Variants in TTC7A observed in about 807,000 individuals in gnomAD.
The protein encoded by TTC7A is tetratricopeptide repeat protein 7A.
Under a neutral mutation model 103.7 loss-of-function variants are expected in TTC7A, and 110 were observed. The observed-to-expected ratio is 1.06, with a 90% CI of 0.91 to 1.24. The LOEUF (loss-of-function observed/expected upper bound fraction) is 1.24, where lower values mean the gene tolerates loss of function less well. TTC7A is among the 50% of genes most tolerant of loss of function. TTC7A has a pLI of 0.00. For synonymous variants in TTC7A, 521 were observed against 467.9 expected (o/e 1.11, Z -1.47); for missense variants, 1,340 against 1,116.3 (o/e 1.20, Z -2.86).
chr2:47,047,233 AC>A, intron 16 of TTC7A: 1 of 1,360,878 alleles, frequency 7.3e-7, no homozygotes, highest in South Asian at 1.3e-5. Context: ...GCCTCAGGGG[AC>A]CCCAGTCTGG....
At chr2:47,017,005 C>G (rs1480314155) in intron 11 of TTC7A, among the ~76,000 whole-genome samples, 2 of 151,908 alleles carry the variant, frequency 1.3e-5, no homozygotes, top group East Asian at 1.9e-4. Context: ...TCGAGACCAG[C>G]CTGGCTAACA....
chr2:46,964,606 G>A (rs1672678219), intron 3 of TTC7A, among the ~76,000 whole-genome samples: 1 of 152,138 alleles, frequency 6.6e-6, no homozygotes, highest in African/African-American at 2.4e-5. Context: ...CCTAGACTAG[G>A]ATGAAGCCTT....
chr2:46,939,309 C>T (rs1440801418), upstream of TTC7A, among the ~76,000 whole-genome samples: 3 of 152,086 alleles, frequency 2.0e-5, no homozygotes, highest in South Asian at 2.1e-4. Context: ...AATCCTAGCA[C>T]TTTGGGAGGC....
At chr2:46,956,237 G>A (rs1443343330) in intron 2 of TTC7A, among the ~76,000 whole-genome samples, 1 of 152,212 alleles carries the variant, frequency 6.6e-6, no homozygotes, top group Non-Finnish European at 1.5e-5. Flanking sequence ...CTTGGCCTCC[G>A]TGATTCTGCA....
chr2:47,051,674 A>G lies in TTC7A; in HGVS notation c.2018-72A>G, dbSNP rs561099660. 1.5e-4 allele frequency: 223 copies of G among 1,521,050 alleles called. 3 individuals carry two copies. The South Asian group carries it at 2.6e-3, about 18-fold the overall frequency. The allele number at this position is 1,521,050 out of a possible 1,614,324, so 94.2% of individuals were successfully genotyped here. ...GCCCTGTCTCCCCATGGTGCTGGGC[A>G]ATGACTGCTCCTGGGGCCTGCAACG... On this transcript the variant is annotated intron_variant, in intron 17 of 19. Transcript: ENST00000319190.
intron 15 of TTC7A, 122 bp downstream of exon 15, chr2:47,029,506 C>A: frequency 1.8e-6 from 2 of 1,116,262 alleles, no homozygotes; most frequent in Non-Finnish European, 2.6e-6. Flanking sequence ...CCGCTGCATG[C>A]ACAATCCCTG....
At chr2:46,919,542 TAAATA>T (rs1467443996) in intron 2 of TTC7A, among the ~76,000 whole-genome samples, 1 of 152,152 alleles carries the variant, frequency 6.6e-6, no homozygotes, top group African/African-American at 2.4e-5. Context: ...TCTAAATAAA[TAAATA>T]AGACTTTAGG....
intron 18 of TTC7A, among the ~76,000 whole-genome samples, chr2:47,054,535 A>G (rs551636456): frequency 6.6e-6 from 1 of 152,216 alleles, no homozygotes; most frequent in South Asian, 2.1e-4. Flanking sequence ...GTGTCCCATT[A>G]AAAGTCAGGG....
chr2:46,919,211 A>G (rs868140911), intron 2 of TTC7A, among the ~76,000 whole-genome samples: 5 of 152,372 alleles, frequency 3.3e-5, no homozygotes, highest in Admixed American at 1.3e-4. Context: ...GGAAAAATAA[A>G]TAGAAAAATA....
intron 10 of TTC7A, among the ~76,000 whole-genome samples, chr2:47,008,900 T>C (rs1377678856): frequency 7.0e-6 from 1 of 143,400 alleles, no homozygotes; most frequent in Non-Finnish European, 1.5e-5. Context: ...GTAACCAGCA[T>C]GACAAAAAAA....
intron 2 of TTC7A, among the ~76,000 whole-genome samples, chr2:46,927,980 A>G (rs2103828674): frequency 6.9e-6 from 1 of 144,254 alleles, no homozygotes; most frequent in East Asian, 2.0e-4. Flanking sequence ...TGCAGCCTCA[A>G]CTTCCTGGGC....
At chr2:47,017,200 CAAAAAAAAAAAAA>C (rs70940652) in intron 11 of TTC7A, among the ~76,000 whole-genome samples, 1 of 35,590 alleles carries the variant, frequency 2.8e-5, no homozygotes, top group Non-Finnish European at 4.8e-5. Flanking sequence ...CACTCTGTCT[CAAAAAAAAAAAAA>C]AAAAAAAAAA....
At position 46,941,511 on chromosome 2, in the gene TTC7A, C is replaced by T. The variant is rs1411621515; in HGVS notation, c.-31C>T. ...CCCCGGCCGGGTCTCCACTTCTTGG[C>T]CGCACCTTCCATGACAGCGCCCGCG... is the stretch of plus-strand genomic sequence containing the variant. On this transcript the variant is annotated 5_prime_UTR_variant, in exon 1 of 20. Coordinates refer to ENST00000319190, the MANE Select transcript of TTC7A (RefSeq NM_020458.4). This position sits in a 1 kb window ranked among gnomAD's most constrained non-coding sequence, Gnocchi z 4.2. The T allele has an allele frequency of 1.9e-6, 3 of 1,547,382 alleles. No individual in the cohort carries two copies. Among genetic ancestry groups the T allele is most frequent in the Non-Finnish European group, 2.6e-6 (3 of 1,145,878 alleles).
chr2:47,047,699 G>T (rs1383906186), intron 16 of TTC7A, among the ~76,000 whole-genome samples: 1 of 152,184 alleles, frequency 6.6e-6, no homozygotes, highest in Non-Finnish European at 1.5e-5. Context: ...GTCAGTCGTG[G>T]TGGGACCCCT....
intron 5 of TTC7A, among the ~76,000 whole-genome samples, chr2:46,980,216 C>CTTTTTTTT (rs5830931): frequency 1.6e-5 from 2 of 124,154 alleles, no homozygotes; most frequent in African/African-American, 6.0e-5. Flanking sequence ...TACTCTCTCT[C>CTTTTTTTT]TTTTTTTTTT....
At chr2:47,057,261 A>T (rs1683398381) in intron 18 of TTC7A, among the ~76,000 whole-genome samples, 1 of 152,186 alleles carries the variant, frequency 6.6e-6, no homozygotes, top group Non-Finnish European at 1.5e-5. Context: ...AGGCTGCCAG[A>T]AGCCTTCAGG....
At chr2:47,032,858 GCAAAA>G (rs1412852419) in intron 15 of TTC7A, among the ~76,000 whole-genome samples, 11 of 23,874 alleles carry the variant, frequency 4.6e-4, no homozygotes, top group African/African-American at 2.6e-3. Context: ...GTTGTTTTAA[GCAAAA>G]AAAAAAAAAA....
upstream of TTC7A, among the ~76,000 whole-genome samples, chr2:46,939,496 C>T (rs1359847726): frequency 6.6e-6 from 1 of 152,212 alleles, no homozygotes; most frequent in Non-Finnish European, 1.5e-5. Context: ...TTTATGCCCA[C>T]ACATACATGA....
At chr2:46,928,122 G>T (rs1470991879) in intron 2 of TTC7A, among the ~76,000 whole-genome samples, 1 of 151,546 alleles carries the variant, frequency 6.6e-6, no homozygotes, top group Non-Finnish European at 1.5e-5. Flanking sequence ...TAACTCCTCG[G>T]CTCAGGTGAT....
Sources: gnomAD v4.1 joint callset for allele counts (sites outside exome capture counted in the v4.1 genomes callset) on GRCh38, gnomAD v4.1.1 for gene constraint, Gnocchi (gnomAD v3.1) non-coding constraint, MANE v1.5 for transcripts, NCBI Gene and HGNC (gene_info 2026-07-23, HGNC 2026-07-21) for gene names.